The following CMTM8 variants were observed in gnomAD, a reference collection of about 807,000 sequenced individuals.
CMTM8 encodes CKLF-like MARVEL transmembrane domain-containing protein 8.
A neutral mutation model predicts 18.6 loss-of-function variants in CMTM8; 12 were observed. That is an observed-to-expected ratio of 0.65 (90% CI 0.41 to 1.05). CMTM8 has a LOEUF of 1.05. CMTM8 is among the 50% of genes least tolerant of loss of function. The probability of loss-of-function intolerance (pLI) is 0.00; values close to 1 mark genes in which losing one functional copy is unlikely to be tolerated. For missense variants in CMTM8, 217 were observed against 227.2 expected (o/e 0.95, Z 0.29); for synonymous variants, 87 against 90.6 (o/e 0.96, Z 0.23).
chr3:32,304,231 C>G (rs866527733), intron 1 of CMTM8, among the ~76,000 whole-genome samples: 1 of 152,246 alleles, frequency 6.6e-6, no homozygotes, highest in Middle Eastern at 3.4e-3. Context: ...TCTGCCAGGT[C>G]TTATAAAAGG....
chr3:32,345,347 C>T (rs530316251), intron 1 of CMTM8, among the ~76,000 whole-genome samples: 2 of 152,102 alleles, frequency 1.3e-5, no homozygotes, highest in African/African-American at 4.8e-5. Flanking sequence ...CAAAATGAGA[C>T]CAGTCTCAAA....
At chr3:32,273,097 G>A (rs1262833347) in intron 1 of CMTM8, among the ~76,000 whole-genome samples, 1 of 150,664 alleles carries the variant, frequency 6.6e-6, no homozygotes, top group Non-Finnish European at 1.5e-5. Context: ...ACAGTAACAA[G>A]TATTGGCAAG....
chr3:32,362,343 G>A (rs1173330343), intron 2 of CMTM8, among the ~76,000 whole-genome samples: 3 of 152,064 alleles, frequency 2.0e-5, no homozygotes, highest in South Asian at 4.2e-4. Context: ...GCACCTGGCC[G>A]GCAGTTACTA....
At chr3:32,255,240 G>C (rs1702161657) in intron 1 of CMTM8, among the ~76,000 whole-genome samples, 1 of 152,060 alleles carries the variant, frequency 6.6e-6, no homozygotes, top group Non-Finnish European at 1.5e-5. Flanking sequence ...AGAAGGTTTT[G>C]TGTGGATACA....
intron 1 of CMTM8, among the ~76,000 whole-genome samples, chr3:32,302,990 A>C (rs536402852): frequency 5.3e-5 from 8 of 152,124 alleles, no homozygotes; most frequent in Non-Finnish European, 1.0e-4. Flanking sequence ...TATTAAACCA[A>C]TTTCGTCTCT....
chr3:32,352,793 C>T (rs758597178), intron 1 of CMTM8, among the ~76,000 whole-genome samples: 2 of 151,848 alleles, frequency 1.3e-5, no homozygotes, highest in African/African-American at 2.4e-5. Context: ...AGTGAAACTT[C>T]CCCAAGCTGT....
chr3:32,331,447 C>T (rs1160774834), intron 1 of CMTM8, among the ~76,000 whole-genome samples: 4 of 151,662 alleles, frequency 2.6e-5, no homozygotes, highest in Non-Finnish European at 4.4e-5. Flanking sequence ...ACTATATGAC[C>T]CAACAATCCC....
At chr3:32,306,722 T>C (rs1205914410) in intron 1 of CMTM8, among the ~76,000 whole-genome samples, 1 of 152,086 alleles carries the variant, frequency 6.6e-6, no homozygotes, top group Non-Finnish European at 1.5e-5. Flanking sequence ...TGTTGAGAAG[T>C]TGGGATTTGG....
At chr3:32,300,968 A>C (rs1695602131) in intron 1 of CMTM8, among the ~76,000 whole-genome samples, 2 of 148,004 alleles carry the variant, frequency 1.4e-5, no homozygotes, top group Admixed American at 7.0e-5. Context: ...CTCAAAAAAA[A>C]AAAAAAATCT....
intron 1 of CMTM8, among the ~76,000 whole-genome samples, chr3:32,286,767 A>G (rs907359788): frequency 6.6e-6 from 1 of 152,092 alleles, no homozygotes; most frequent in Non-Finnish European, 1.5e-5. Context: ...TGATGAGCTG[A>G]AAAAAAAGGG....
rs143791881 is a variant in CMTM8, at chr3:32,341,243, A to G, written c.148-16130A>G. Among the ~76,000 whole-genome samples, 1,399 of 152,316 alleles carry G rather than the reference A, an allele frequency of 9.2e-3. 25 individuals are homozygous for G. The highest frequency in any genetic ancestry group is 0.032 in the African/African-American group (1,327 of 41,570). On this transcript the variant is annotated intron_variant, in intron 1 of 3. Coordinates refer to ENST00000307526, the MANE Select transcript of CMTM8 (RefSeq NM_178868.5). ...TTTGCAGACGTGACAGTGGATTTGC[A>G]TAGAGGCTTCTGTTGCCTTTACTAG...
At chr3:32,279,968 A>T (rs892900423) in intron 1 of CMTM8, among the ~76,000 whole-genome samples, 1 of 151,884 alleles carries the variant, frequency 6.6e-6, no homozygotes, top group Admixed American at 6.6e-5. Context: ...TTGGCTGCAT[A>T]AATGTCTTCT....
At chr3:32,257,350 G>C (rs1702187669) in intron 1 of CMTM8, among the ~76,000 whole-genome samples, 4 of 152,148 alleles carry the variant, frequency 2.6e-5, no homozygotes, top group Admixed American at 2.6e-4. Flanking sequence ...CTTCGGCATA[G>C]GGAGATTTCT....
At chr3:32,345,334 C>T (rs77335711) in intron 1 of CMTM8, among the ~76,000 whole-genome samples, 1,634 of 152,082 alleles carry the variant, frequency 0.011, 29 homozygotes, top group African/African-American at 0.037. Context: ...CCAGCCTGGA[C>T]GACAAAATGA....
intron 2 of CMTM8, among the ~76,000 whole-genome samples, chr3:32,367,433 G>A (rs1292350423): frequency 2.6e-5 from 4 of 152,152 alleles, no homozygotes; most frequent in African/African-American, 9.7e-5. Flanking sequence ...AATCAGCTGG[G>A]CCTGTTTTGG....
chr3:32,315,032 C>T (rs1486408881), intron 1 of CMTM8, among the ~76,000 whole-genome samples: 2 of 152,120 alleles, frequency 1.3e-5, no homozygotes, highest in Non-Finnish European at 2.9e-5. Flanking sequence ...TTGAGTGCCC[C>T]AGTGAGCCTT....
At chr3:32,278,570 T>C (rs1042298561) in intron 1 of CMTM8, among the ~76,000 whole-genome samples, 4 of 152,118 alleles carry the variant, frequency 2.6e-5, no homozygotes, top group African/African-American at 9.7e-5. Flanking sequence ...CCTCCATGCT[T>C]TTATATTTGT....
chr3:32,362,046 C>CTTCTTTTTTTTTTTT (rs1553608241), intron 2 of CMTM8, among the ~76,000 whole-genome samples: 1 of 92,066 alleles, frequency 1.1e-5, no homozygotes, highest in African/African-American at 3.9e-5. Context: ...ATTTTCTTTT[C>CTTCTTTTTTTTTTTT]TTTTTTTTTT....
At chr3:32,362,290 G>A (rs1220745310) in intron 2 of CMTM8, among the ~76,000 whole-genome samples, 3 of 151,844 alleles carry the variant, frequency 2.0e-5, no homozygotes, top group Non-Finnish European at 4.4e-5. Flanking sequence ...TAATCTGCCC[G>A]TCTTCGTCTC....
Sources: gnomAD v4.1 joint callset for allele counts (sites outside exome capture counted in the v4.1 genomes callset) on GRCh38, gnomAD v4.1.1 for gene constraint, MANE v1.5 for transcripts, NCBI Gene and HGNC (gene_info 2026-07-23, HGNC 2026-07-21) for gene names.